Variants in CFAP100 observed in about 807,000 individuals in gnomAD.
CFAP100 encodes the protein cilia and flagella associated protein 100.
A neutral mutation model predicts 81.5 loss-of-function variants in CFAP100; 70 were observed. The observed-to-expected ratio is 0.86, with a 90% CI of 0.71 to 1.05. The LOEUF (loss-of-function observed/expected upper bound fraction) is 1.05, where lower values mean the gene tolerates loss of function less well. Among genes scored for constraint, CFAP100 ranks in the 50% least tolerant of loss-of-function variants. The probability of loss-of-function intolerance (pLI) is 0.00; values close to 1 mark genes in which losing one functional copy is unlikely to be tolerated. For synonymous variants in CFAP100, 341 were observed against 314.8 expected, an observed-to-expected ratio of 1.08 and a Z score of -0.88; for missense variants, 811 against 776.5, an observed-to-expected ratio of 1.04 and a Z score of -0.53.
intron 5 of CFAP100, 153 bp downstream of exon 5, chr3:126,416,661 C>G (rs2083249132): frequency 1.6e-6 from 1 of 643,990 alleles, no homozygotes. Flanking sequence ...TGTGTTTGGC[C>G]TCTCCAGGGG....
At chr3:126,408,172 G>C (rs976671042) in intron 3 of CFAP100, among the ~76,000 whole-genome samples, 3 of 152,172 alleles carry the variant, frequency 2.0e-5, no homozygotes, top group African/African-American at 7.2e-5. Flanking sequence ...GTGCCCATTT[G>C]CTTCCTCTGT....
chr3:126,410,607 T>TC (rs372621034), intron 3 of CFAP100, among the ~76,000 whole-genome samples: 1 of 152,098 alleles, frequency 6.6e-6, no homozygotes, highest in African/African-American at 2.4e-5. Flanking sequence ...GTTCAAGTGA[T>TC]CCCCCCACTC....
chr3:126,433,012 G>C, intron 13 of CFAP100, 57 bp from the exon 14 acceptor site: 2 of 1,599,412 alleles, frequency 1.3e-6, no homozygotes, highest in Middle Eastern at 1.8e-4. Context: ...TCAGAGAAGC[G>C]ATGTGCCCAG....
Position 126,418,514 on chromosome 3 carries a change from T to C in CFAP100, c.475T>C (p.Phe159Leu). ...SGYIKQKRQM[F>L]LLQYALDVKR... is the part of the protein sequence containing the mutation. Reference sequence around the variant, plus strand: ...CTACATTAAGCAGAAGCGGCAAATGTTCCTCCTCCAGGTAGGTCCCGTGGC... The same window carrying C: ...CTACATTAAGCAGAAGCGGCAAATGCTCCTCCTCCAGGTAGGTCCCGTGGC... Residue 159 changes from phenylalanine (F) to leucine (L), a missense_variant, in exon 6 of 17, where the codon TTC becomes CTC. Physicochemically the swap from Phe to Leu is conservative, Grantham distance 22 (BLOSUM62 0). Transcript: ENST00000352312. 6.2e-7 allele frequency: 1 copy of C among 1,614,060 alleles called. No individual in the cohort carries two copies. Among genetic ancestry groups the C allele is most frequent in the Non-Finnish European group, 8.5e-7 (1 of 1,179,994 alleles).
chr3:126,406,866 A>C (rs2107591579), intron 2 of CFAP100, among the ~76,000 whole-genome samples: 1 of 152,300 alleles, frequency 6.6e-6, no homozygotes, highest in African/African-American at 2.4e-5. Flanking sequence ...CGGTATGTCC[A>C]TCTATAAAAC....
rs2083301168 is a variant in CFAP100 at position 126,419,901 on chromosome 3, G to T, written c.914-79G>T. On this transcript the variant is annotated intron_variant, in intron 9 of 16. Transcript: ENST00000352312. ...CCTGAGCCCAGCTGGCAGGTTACCT[G>T]CAGGCATCTGGGCCACATGGCGTTG... The T allele has an allele frequency of 4.3e-6, 7 of 1,610,902 alleles. No individual in the cohort carries two copies. The Admixed American group carries it at 8.3e-5, about 19-fold the overall frequency.
At chr3:126,406,245 C>T (rs546841300) in intron 2 of CFAP100, among the ~76,000 whole-genome samples, 2 of 152,188 alleles carry the variant, frequency 1.3e-5, no homozygotes, top group Non-Finnish European at 2.9e-5. Flanking sequence ...ACAAGACTCC[C>T]GCCATCTTCC....
At chr3:126,397,058 T>C (rs1560057912) in intron 2 of CFAP100, among the ~76,000 whole-genome samples, 1 of 152,236 alleles carries the variant, frequency 6.6e-6, no homozygotes, top group African/African-American at 2.4e-5. Flanking sequence ...CAAATGTGTG[T>C]AGATGAGGTT....
intron 11 of CFAP100, 78 bp downstream of exon 11, chr3:126,420,307 T>A: frequency 6.4e-7 from 1 of 1,556,518 alleles, no homozygotes; most frequent in South Asian, 1.2e-5. Context: ...TGTAGTCAGG[T>A]CTGAGTGCCA....
In CFAP100 at chr3:126,423,517, C is replaced by T; in HGVS notation, c.1159C>T (p.Pro387Ser). 1.2e-6 allele frequency: 2 copies of T among 1,614,170 alleles called. No individual in the cohort carries two copies. Among genetic ancestry groups the T allele is most frequent in the Non-Finnish European group, 1.7e-6 (2 of 1,180,022 alleles). ...GEEPQLYFTE[P>S]QQLLDVFREL... ...GGAACCACAGCTGTACTTCACGGAG[C>T]CCCAGCAGCTCCTGGATGTCTTCCG... Residue 387 changes from proline to serine, a missense_variant, in exon 13 of 17, where the codon CCC (proline) becomes TCC (serine). Physicochemically the swap from Pro to Ser is moderately conservative, Grantham distance 74. Coordinates refer to ENST00000352312, the MANE Select transcript of CFAP100 (RefSeq NM_182628.3).
rs759461488 is a variant in CFAP100, at chr3:126,419,074, A to G, written c.651-2A>G. 1 of 1,439,706 alleles carries G rather than the reference A, an allele frequency of 6.9e-7. No individual in the cohort carries two copies. The highest frequency in any genetic ancestry group is 1.2e-5 in the South Asian group (1 of 80,008). 89.2% of individuals were successfully genotyped at this position (1,439,706 alleles called of 1,614,324 possible). On this transcript the variant is annotated splice_acceptor_variant, in intron 7 of 16. Coordinates refer to ENST00000352312, the MANE Select transcript of CFAP100 (RefSeq NM_182628.3). LOFTEE classifies it high-confidence loss of function. ...CCTCCTCCCCCGCCGCCCAACCCCT[A>G]GGGCTGAGAAGGAGACCAAAGCCAA...
intron 2 of CFAP100, among the ~76,000 whole-genome samples, chr3:126,403,272 A>T (rs2083014729): frequency 6.6e-6 from 1 of 152,082 alleles, no homozygotes; most frequent in Non-Finnish European, 1.5e-5. Flanking sequence ...TGAGGCGTCT[A>T]GGAGGAAAGG....
chr3:126,398,520 C>T (rs1308676077), intron 2 of CFAP100, among the ~76,000 whole-genome samples: 1 of 152,256 alleles, frequency 6.6e-6, no homozygotes, highest in Non-Finnish European at 1.5e-5. Flanking sequence ...ACTGCTGCTT[C>T]TCAAGTGCAC....
At chr3:126,434,922 G>A (rs1194382813) in intron 15 of CFAP100, among the ~76,000 whole-genome samples, 1 of 152,102 alleles carries the variant, frequency 6.6e-6, no homozygotes, top group Non-Finnish European at 1.5e-5. Flanking sequence ...GTGGAGGGGG[G>A]CAGATGGGCA....
intron 5 of CFAP100, 102 bp from the exon 6 acceptor site, chr3:126,418,346 CGTGGACGCAA>C: frequency 1.2e-6 from 1 of 860,154 alleles, no homozygotes. Flanking sequence ...GTCACCTGGG[CGTGGACGCAA>C]AGCAGTGGCC....
intron 16 of CFAP100, 103 bp downstream of exon 16, chr3:126,435,755 C>A: frequency 2.3e-6 from 2 of 882,482 alleles, no homozygotes; most frequent in East Asian, 2.6e-5. Flanking sequence ...ACTCTGAAGG[C>A]ATTCAATGAG....
At chr3:126,404,777 C>T (rs530735361) in intron 2 of CFAP100, among the ~76,000 whole-genome samples, 2 of 152,196 alleles carry the variant, frequency 1.3e-5, no homozygotes, top group African/African-American at 4.8e-5. Flanking sequence ...TGGGTTCAAG[C>T]GATTCTCCTG....
At chr3:126,429,560 TTTTG>T (rs1387206376) in intron 13 of CFAP100, among the ~76,000 whole-genome samples, 2 of 152,084 alleles carry the variant, frequency 1.3e-5, no homozygotes. Flanking sequence ...ATGTTTTTGT[TTTTG>T]TTTTTCAGTG....
intron 13 of CFAP100, among the ~76,000 whole-genome samples, chr3:126,428,796 G>A (rs1188238171): frequency 2.0e-5 from 3 of 152,062 alleles, no homozygotes; most frequent in Admixed American, 6.6e-5. Flanking sequence ...CTCCTCTTCC[G>A]TTTCTGGAAG....
Sources: allele counts gnomAD v4.1 joint callset (sites outside exome capture counted in the v4.1 genomes callset), GRCh38; gene constraint gnomAD v4.1.1; transcripts MANE v1.5; gene names NCBI Gene and HGNC (gene_info 2026-07-23, HGNC 2026-07-21).